Variants in RADIL observed in about 807,000 individuals in gnomAD.
RADIL encodes ras-associating and dilute domain-containing protein.
Under a neutral mutation model 97.6 loss-of-function variants are expected in RADIL, and 99 were observed. The ratio of observed to expected loss-of-function variants is 1.01; its 90% CI spans 0.86 to 1.20. RADIL has a LOEUF of 1.20. Ranked by LOEUF, RADIL falls within the 50% of genes most tolerant of loss-of-function variation. The pLI, the probability that RADIL is intolerant of heterozygous loss-of-function variation, is 0.00. For missense variants in RADIL, 1,765 were observed against 1,498.9 expected (o/e 1.18, Z -2.93); for synonymous variants, 803 against 691.8 (o/e 1.16, Z -2.52).
chr7:4,808,530 A>AAAAAC (rs1257375807), intron 9 of RADIL: 2 of 965,378 alleles, frequency 2.1e-6, no homozygotes, highest in Non-Finnish European at 1.2e-6. Flanking sequence ...AGGGTTTGAG[A>AAAAAC]AAAACAAAAC....
chr7:4,840,274 C>A lies in RADIL; in HGVS notation c.536-3669G>T, dbSNP rs149862022. Reference sequence around the variant, plus strand: ...GTTTGTGCCTGACCTGATACAGCTTCGTCACCTGAGTCACCTGAGCGTCTC... The same window carrying A: ...GTTTGTGCCTGACCTGATACAGCTTAGTCACCTGAGTCACCTGAGCGTCTC... On this transcript the variant is annotated intron_variant, in intron 2 of 14. Coordinates refer to ENST00000399583, the MANE Select transcript of RADIL (RefSeq NM_018059.5). The surrounding 1 kb of genome is among the most constrained non-coding windows in gnomAD (Gnocchi z 5.6). Among the ~76,000 whole-genome samples the A allele has an allele frequency of 6.6e-6, 1 of 152,108 alleles. No homozygotes were observed. Among genetic ancestry groups the A allele is most frequent in the Non-Finnish European group, 1.5e-5 (1 of 68,032 alleles).
At chr7:4,836,327 C>T (rs371434485) in intron 3 of RADIL, 31 bp downstream of exon 3, 145 of 1,560,106 alleles carry the variant, frequency 9.3e-5, no homozygotes, top group Admixed American at 2.5e-4. Context: ...GCAGTGGCAC[C>T]GGGCAGTGGG....
At chr7:4,800,539 C>T (rs999364660) in intron 12 of RADIL, among the ~76,000 whole-genome samples, 1 of 152,146 alleles carries the variant, frequency 6.6e-6, no homozygotes, top group Admixed American at 6.5e-5. Context: ...TCAGTCCCCG[C>T]CCCTGGCAGT....
intron 2 of RADIL, among the ~76,000 whole-genome samples, chr7:4,844,510 T>C (rs2115013707): frequency 6.6e-6 from 1 of 152,288 alleles, no homozygotes. Context: ...TGATTGTGTA[T>C]GTAGGAAATG....
At chr7:4,859,360 A>G (rs1783914451) in intron 2 of RADIL, 1 of 153,272 alleles carries the variant, frequency 6.5e-6, no homozygotes, top group African/African-American at 2.4e-5. Flanking sequence ...CAATGCATCA[A>G]GCATAAATCC....
At chr7:4,843,861 G>A (rs534643619) in intron 2 of RADIL, among the ~76,000 whole-genome samples, 10 of 134,634 alleles carry the variant, frequency 7.4e-5, no homozygotes, top group Middle Eastern at 5.5e-3. Flanking sequence ...GCAGTGAGCC[G>A]AAATCACGCC....
chr7:4,860,052 C>A, intron 2 of RADIL: 1 of 1,614,008 alleles, frequency 6.2e-7, no homozygotes, highest in Non-Finnish European at 8.5e-7. Flanking sequence ...AATGCAACCC[C>A]TGAACTTTCA....
chr7:4,872,875 G>C lies in RADIL; in HGVS notation c.535+4730C>G, dbSNP rs143564306. Among the ~76,000 whole-genome samples, 194 of 152,280 alleles carry C rather than the reference G, an allele frequency of 1.3e-3. No homozygotes were observed. The highest frequency in any genetic ancestry group is 4.5e-3 in the African/African-American group (187 of 41,546). Reference sequence around the variant, plus strand: ...GGTGAGGGGCAGGGGAGAGGCCTGAGAGACTTTGGCGAAATGCTTCCCCTG... The same window carrying C: ...GGTGAGGGGCAGGGGAGAGGCCTGACAGACTTTGGCGAAATGCTTCCCCTG... On this transcript the variant is annotated intron_variant, in intron 2 of 14. Coordinates refer to ENST00000399583, the MANE Select transcript of RADIL (RefSeq NM_018059.5). The surrounding 1 kb of genome is among the most constrained non-coding windows in gnomAD (Gnocchi z 5.8).
chr7:4,875,794 A>C lies in RADIL; in HGVS notation c.535+1811T>G, dbSNP rs571514432. On this transcript the variant is annotated intron_variant, in intron 2 of 14. Coordinates refer to ENST00000399583, the MANE Select transcript of RADIL (RefSeq NM_018059.5). ...GCCTCACAGGAGGTCTTTTTGAATC[A>C]GGAGGGGAGGGACCCCATCTCTGCC... is the stretch of plus-strand genomic sequence containing the variant. Among the ~76,000 whole-genome samples the C allele has an allele frequency of 1.3e-4, 20 of 152,226 alleles. 1 individual carries two copies. The highest frequency in any genetic ancestry group is 4.8e-4 in the African/African-American group (20 of 41,550).
chr7:4,801,728 C>A lies in RADIL; in HGVS notation c.2767G>T (p.Gly923Cys), dbSNP rs780761999. The A allele has an allele frequency of 4.3e-6, 7 of 1,610,316 alleles. No individual in the cohort carries two copies. The highest frequency in any genetic ancestry group is 5.1e-6 in the Non-Finnish European group (6 of 1,179,042). Residue 923 changes from glycine to cysteine, a missense_variant, in exon 12 of 15, where the codon GGC (glycine) becomes TGC (cysteine). Coordinates refer to ENST00000399583, the MANE Select transcript of RADIL (RefSeq NM_018059.5). ...GGGAGCGCTTTTCCACAGGGGCCGC[C>A]GGACTCTGGCCAGTCGGGGTCCCCA... ...EPGDPDWPES[G>C]GPCGKALPER...
intron 5 of RADIL, among the ~76,000 whole-genome samples, chr7:4,827,788 G>A (rs1783038873): frequency 6.6e-6 from 1 of 152,180 alleles, no homozygotes; most frequent in Admixed American, 6.6e-5. Flanking sequence ...AAACCTTCAG[G>A]GCCAGCCCTT....
chr7:4,799,491 C>A lies in RADIL; in HGVS notation c.3123-8G>T. On this transcript the variant is annotated splice_region_variant and splice_polypyrimidine_tract_variant and intron_variant, in intron 14 of 14. Transcript: ENST00000399583. ...CGGATCAGGTCCACAGCTCTGAAATCCATGCCAGAGGTGGGGGTGGGCAGG... is the reference window on the plus strand; with the variant it reads ...CGGATCAGGTCCACAGCTCTGAAATACATGCCAGAGGTGGGGGTGGGCAGG... The A allele has an allele frequency of 3.1e-6, 5 of 1,613,932 alleles. No individual in the cohort carries two copies. The highest frequency in any genetic ancestry group is 3.4e-6 in the Non-Finnish European group (4 of 1,179,986).
At chr7:4,851,561 T>C (rs1436959074) in intron 2 of RADIL, among the ~76,000 whole-genome samples, 1 of 152,040 alleles carries the variant, frequency 6.6e-6, no homozygotes, top group Non-Finnish European at 1.5e-5. Flanking sequence ...GAAGGAGGGT[T>C]CTTGTGATGT....
In RADIL at chr7:4,816,274, G is replaced by C; in HGVS notation, c.1920C>G (p.Leu640=). 6.2e-7 allele frequency: 1 copy of C among 1,612,856 alleles called. No individual in the cohort carries two copies. Residue 640 remains leucine (L), a synonymous_variant, in exon 8 of 15, where the codon CTC becomes CTG. Transcript: ENST00000399583. ...GAAGCAGTGTCCCGGAGAAGAAGAA[G>C]AGGTAGGCGAGCATCTGCGAGGCCA... ...PEVASQMLAY[L]FFFSGTLLLN...
intron 2 of RADIL, chr7:4,861,359 T>C (rs777413028): frequency 6.2e-7 from 1 of 1,614,154 alleles, no homozygotes; most frequent in South Asian, 1.1e-5. Flanking sequence ...AAATGCCTCC[T>C]CGACAGCCCT....
At position 4,860,860 on chromosome 7, in the gene RADIL, G is replaced by T. The variant is rs377259035; in HGVS notation, c.535+16745C>A. On this transcript the variant is annotated intron_variant, in intron 2 of 14. Coordinates refer to ENST00000399583, the MANE Select transcript of RADIL (RefSeq NM_018059.5). ...AGTTCTGCTGTGGGTATGCTGGTGT[G>T]ATGATAGGCATAAGATGGTACCTAT... 3.7e-6 allele frequency: 6 copies of T among 1,613,904 alleles called. No individual in the cohort carries two copies. The African/African-American group carries it at 8.0e-5, about 22-fold the overall frequency.
Position 4,829,086 on chromosome 7 carries a change from C to A in RADIL, c.1454+3055G>T, listed in dbSNP as rs187396942. ...CAGAGGGAGGCCACCACGCCTGTTA[C>A]TGGGCCCACTCCCAACTCCCATGCA... On this transcript the variant is annotated intron_variant, in intron 5 of 14. Transcript: ENST00000399583. Among the ~76,000 whole-genome samples the A allele has an allele frequency of 4.4e-3, 665 of 152,316 alleles. 7 individuals are homozygous for A. The highest frequency in any genetic ancestry group is 0.015 in the African/African-American group (622 of 41,562).
intron 5 of RADIL, 148 bp downstream of exon 5, chr7:4,831,993 C>A (rs1048040448): frequency 3.7e-6 from 3 of 805,578 alleles, no homozygotes; most frequent in Non-Finnish European, 5.8e-6. Flanking sequence ...ACTAAAGAAG[C>A]AAAAAAGGCC....
chr7:4,800,534 C>CT (rs1782048151), intron 12 of RADIL, among the ~76,000 whole-genome samples: 1 of 152,132 alleles, frequency 6.6e-6, no homozygotes, highest in Non-Finnish European at 1.5e-5. Flanking sequence ...GCACCTCAGT[C>CT]CCCGCCCCTG....
Sources: gnomAD v4.1 joint callset for allele counts (sites outside exome capture counted in the v4.1 genomes callset) on GRCh38, gnomAD v4.1.1 for gene constraint, Gnocchi (gnomAD v3.1) non-coding constraint, MANE v1.5 for transcripts, NCBI Gene and HGNC (gene_info 2026-07-23, HGNC 2026-07-21) for gene names.